The following TACC1 variants were observed in gnomAD, a reference collection of about 807,000 sequenced individuals.
TACC1 encodes the protein transforming acidic coiled-coil-containing protein 1.
A neutral mutation model predicts 84.4 loss-of-function variants in TACC1; 48 were observed. The observed-to-expected ratio is 0.57, with a 90% CI of 0.45 to 0.72. The LOEUF is 0.72. Ranked by LOEUF, TACC1 falls within the 30% of genes least tolerant of loss-of-function variation. The pLI, the probability that TACC1 is intolerant of heterozygous loss-of-function variation, is 0.00. For synonymous variants in TACC1, 372 were observed against 376.3 expected (o/e 0.99, Z 0.13); for missense variants, 920 against 973.0 (o/e 0.95, Z 0.72).
At chr8:38,830,415 T>C (rs1306553407) in intron 5 of TACC1, among the ~76,000 whole-genome samples, 3 of 152,144 alleles carry the variant, frequency 2.0e-5, no homozygotes, top group Non-Finnish European at 2.9e-5. Flanking sequence ...GCTGAGATTA[T>C]AGGCATGCGC....
intron 3 of TACC1, among the ~76,000 whole-genome samples, chr8:38,764,476 G>C (rs1212737910): frequency 6.8e-6 from 1 of 147,280 alleles, no homozygotes; most frequent in Non-Finnish European, 1.5e-5. Context: ...TAATTCATTA[G>C]TAAGGGTTAT....
chr8:38,836,118 GAAGCTGAAAGCTGA>G (rs755627513), intron 6 of TACC1, 30 bp from the exon 7 acceptor site: 23 of 1,606,322 alleles, frequency 1.4e-5, no homozygotes, highest in Non-Finnish European at 2.0e-5. Flanking sequence ...CTGGGGTTAA[GAAGCTGAAAGCTGA>G]CAGATTCAGT....
intron 3 of TACC1, among the ~76,000 whole-genome samples, chr8:38,762,238 T>C (rs1392742774): frequency 2.0e-5 from 3 of 152,104 alleles, no homozygotes; most frequent in African/African-American, 7.2e-5. Flanking sequence ...TTTTTCAGCA[T>C]CCCAAACAGA....
intron 2 of TACC1, among the ~76,000 whole-genome samples, chr8:38,811,271 A>G (rs1052382413): frequency 6.6e-6 from 1 of 151,090 alleles, no homozygotes; most frequent in South Asian, 2.1e-4. Context: ...CCAAGCATTC[A>G]CTAGTATTTC....
intron 2 of TACC1, among the ~76,000 whole-genome samples, chr8:38,817,919 T>TTA (rs1491504470): frequency 0.012 from 551 of 47,832 alleles, 8 homozygotes; most frequent in African/African-American, 0.044. Flanking sequence ...GAGAGACCCC[T>TTA]AAAAAAAAAA....
intron 2 of TACC1, among the ~76,000 whole-genome samples, chr8:38,794,212 G>A (rs2152031381): frequency 6.6e-6 from 1 of 152,264 alleles, no homozygotes; most frequent in East Asian, 1.9e-4. Context: ...GGGAAGAATG[G>A]GGAGAATATT....
At chr8:38,781,769 G>GTA (rs1226948572) in intron 3 of TACC1, among the ~76,000 whole-genome samples, 1 of 152,078 alleles carries the variant, frequency 6.6e-6, no homozygotes. Flanking sequence ...ACAGGTAAGT[G>GTA]TAGTAAAGCA....
chr8:38,821,961 C>T (rs1021471523), intron 3 of TACC1, among the ~76,000 whole-genome samples: 1 of 152,118 alleles, frequency 6.6e-6, no homozygotes, highest in African/African-American at 2.4e-5. Flanking sequence ...TGGCTTACAC[C>T]TGTAATCCCA....
rs934432756 is a variant in TACC1 at position 38,788,618 on chromosome 8, C to G, written c.162-86C>G. ...TGTGAAGTTAGACAAAAGTGCTGGA[C>G]TTTTAGCCTCTGTGAATATGTAGAT... is the stretch of plus-strand genomic sequence containing the variant. On this transcript the variant is annotated intron_variant, in intron 1 of 12. Coordinates refer to ENST00000317827, the MANE Select transcript of TACC1 (RefSeq NM_006283.3). 2.8e-5 allele frequency: 31 copies of G among 1,097,678 alleles called. No homozygotes were observed. In the African/African-American group the frequency reaches 4.6e-4, roughly 16 times the overall value. 68.0% of individuals were successfully genotyped at this position (1,097,678 alleles called of 1,614,324 possible).
chr8:38,831,001 C>A, intron 5 of TACC1, 124 bp from the exon 6 acceptor site: 4 of 798,986 alleles, frequency 5.0e-6, no homozygotes, highest in South Asian at 3.3e-5. Flanking sequence ...TAAATAAAAT[C>A]TTAAAATGCT....
At chr8:38,732,096 A>G (rs952051346) in intron 1 of TACC1, among the ~76,000 whole-genome samples, 6 of 151,992 alleles carry the variant, frequency 3.9e-5, no homozygotes, top group Admixed American at 3.3e-4. Flanking sequence ...TGGGTGACAG[A>G]GCGAGACTCT....
At chr8:38,831,248 A>G (rs190621881) in intron 6 of TACC1, 71 bp downstream of exon 6, 1,068 of 1,511,774 alleles carry the variant, frequency 7.1e-4, no homozygotes, top group Non-Finnish European at 9.0e-4. Flanking sequence ...GCCCATGTGA[A>G]TTTGTTAAAT....
chr8:38,737,365 C>A (rs1192819217), intron 1 of TACC1, among the ~76,000 whole-genome samples: 2 of 152,222 alleles, frequency 1.3e-5, no homozygotes, highest in Non-Finnish European at 2.9e-5. Context: ...AGAAACAACA[C>A]TGGGGACAGT....
chr8:38,844,329 C>A (rs543577164), intron 11 of TACC1, among the ~76,000 whole-genome samples: 1 of 152,070 alleles, frequency 6.6e-6, no homozygotes, highest in East Asian at 1.9e-4. Flanking sequence ...CACGCCACCA[C>A]ACCCGGCTAA....
intron 2 of TACC1, among the ~76,000 whole-genome samples, chr8:38,801,502 C>G (rs904380759): frequency 6.6e-6 from 1 of 152,080 alleles, no homozygotes; most frequent in Non-Finnish European, 1.5e-5. Context: ...AACTTTGCAC[C>G]CTTGTCAAAA....
chr8:38,840,449 A>C, intron 9 of TACC1, 182 bp downstream of exon 9: 1 of 511,342 alleles, frequency 2.0e-6, no homozygotes, highest in Non-Finnish European at 3.5e-6. Flanking sequence ...CCCATTCCTC[A>C]TAGAAGGGGC....
At chr8:38,793,294 A>G (rs891314541) in intron 2 of TACC1, among the ~76,000 whole-genome samples, 4 of 152,158 alleles carry the variant, frequency 2.6e-5, no homozygotes, top group African/African-American at 9.7e-5. Flanking sequence ...TTGTTGACAC[A>G]ATTTTGGTAG....
Position 38,842,347 on chromosome 8 carries a change from AG to A in TACC1, c.2023del (p.Glu675AsnfsTer24). 6.2e-7 allele frequency: 1 copy of A among 1,614,230 alleles called. No individual in the cohort carries two copies. Among genetic ancestry groups the A allele is most frequent in the Non-Finnish European group, 8.5e-7 (1 of 1,180,036 alleles). The part of the protein sequence containing the change: ...QKSFQQLTME[K>X]EQALADLNSV... ...AGCTTCCAGCAACTGACCATGGAGA[AG>A]GAACAGGCCCTGGCTGACCTTAACT... On this transcript the variant is annotated frameshift_variant, in exon 10 of 13. Coordinates refer to ENST00000317827, the MANE Select transcript of TACC1 (RefSeq NM_006283.3). LOFTEE classifies it high-confidence loss of function.
At chr8:38,783,462 C>T (rs1386178027), upstream of TACC1, among the ~76,000 whole-genome samples, 3 of 151,082 alleles carry the variant, frequency 2.0e-5, no homozygotes, top group Non-Finnish European at 4.4e-5. Context: ...CACTCTGTTG[C>T]CCAGGCTGAA....
Sources: allele counts gnomAD v4.1 joint callset (sites outside exome capture counted in the v4.1 genomes callset), GRCh38; gene constraint gnomAD v4.1.1; transcripts MANE v1.5; gene names NCBI Gene and HGNC (gene_info 2026-07-23, HGNC 2026-07-21).